FANK1: variants seen among roughly 807,000 people sequenced by gnomAD.
FANK1 encodes the protein fibronectin type III and ankyrin repeat domains 1, also known as fibronectin type 3 and ankyrin repeat domains protein 1.
FANK1 carries 44 observed loss-of-function variants against 45.3 expected under a neutral mutation model. That is an observed-to-expected ratio of 0.97 (90% CI 0.76 to 1.25). The LOEUF is 1.25. Ranked by LOEUF, FANK1 falls within the 50% of genes most tolerant of loss-of-function variation. FANK1 has a pLI of 0.00. For missense variants in FANK1, 391 were observed against 424.4 expected, an observed-to-expected ratio of 0.92 and a Z score of 0.69; for synonymous variants, 149 against 152.5, an observed-to-expected ratio of 0.98 and a Z score of 0.17.
At chr10:125,981,372 G>GTGGCTT (rs998116331) in intron 2 of FANK1, among the ~76,000 whole-genome samples, 3 of 151,950 alleles carry the variant, frequency 2.0e-5, no homozygotes, top group Admixed American at 2.0e-4. Flanking sequence ...GCCAGGTGTG[G>GTGGCTT]TGGCTTATGC....
intron 3 of FANK1, among the ~76,000 whole-genome samples, chr10:125,989,931 C>T (rs1489788971): frequency 6.6e-6 from 1 of 152,202 alleles, no homozygotes; most frequent in Non-Finnish European, 1.5e-5. Context: ...TACCTTTCTG[C>T]TCCCTCCCAT....
At chr10:125,941,318 C>G (rs988324219) in intron 1 of FANK1, among the ~76,000 whole-genome samples, 1 of 152,114 alleles carries the variant, frequency 6.6e-6, no homozygotes, top group Admixed American at 6.5e-5. Context: ...CAAATAAAAT[C>G]ACGGGAAGGC....
At chr10:125,936,419 C>T (rs983685828) in intron 1 of FANK1, among the ~76,000 whole-genome samples, 16 of 131,136 alleles carry the variant, frequency 1.2e-4, no homozygotes, top group South Asian at 2.5e-4. Flanking sequence ...CCCACTGGAG[C>T]GAGATGCTGT....
chr10:125,988,127 T>C (rs574890219), intron 2 of FANK1, among the ~76,000 whole-genome samples: 1 of 152,334 alleles, frequency 6.6e-6, no homozygotes, highest in Admixed American at 6.5e-5. Flanking sequence ...CCTGCAGTGG[T>C]ATTTTGCCTG....
chr10:125,954,970 C>T (rs946234883), intron 1 of FANK1, among the ~76,000 whole-genome samples: 1 of 151,908 alleles, frequency 6.6e-6, no homozygotes, highest in South Asian at 2.1e-4. Context: ...GGAGGATTTA[C>T]GTAACTAAAA....
chr10:125,994,781 A>G, intron 3 of FANK1: 1 of 985,214 alleles, frequency 1.0e-6, no homozygotes, highest in Non-Finnish European at 1.2e-6. Flanking sequence ...TGTCCCCTGT[A>G]CAAAGGATGC....
intron 2 of FANK1, among the ~76,000 whole-genome samples, chr10:125,984,707 A>C (rs151134297): frequency 6.6e-6 from 1 of 152,346 alleles, no homozygotes; most frequent in East Asian, 1.9e-4. Context: ...GAAGTCTGGT[A>C]ACTGAGTCTT....
chr10:125,957,978 T>A (rs1405454170), intron 1 of FANK1, among the ~76,000 whole-genome samples: 3 of 152,198 alleles, frequency 2.0e-5, no homozygotes, highest in Non-Finnish European at 4.4e-5. Context: ...TATATAGTGA[T>A]GTTTTGGTGC....
chr10:125,994,550 G>A, intron 3 of FANK1: 2 of 985,422 alleles, frequency 2.0e-6, no homozygotes, highest in Non-Finnish European at 2.4e-6. Context: ...CCAACAACAG[G>A]TTGTGTGCTG....
intron 1 of FANK1, among the ~76,000 whole-genome samples, chr10:125,921,268 C>G (rs1946926477): frequency 1.3e-5 from 2 of 152,330 alleles, no homozygotes; most frequent in South Asian, 4.1e-4. Flanking sequence ...GTTCCTCTAG[C>G]ATTGCTTTTT....
chr10:125,987,250 G>A (rs1951622830), intron 2 of FANK1, among the ~76,000 whole-genome samples: 1 of 152,058 alleles, frequency 6.6e-6, no homozygotes, highest in Non-Finnish European at 1.5e-5. Context: ...CAAATAATGG[G>A]CACTAGATAC....
Position 125,957,144 on chromosome 10 carries a change from C to T in FANK1, c.14-23017C>T, listed in dbSNP as rs575824118. ...TGCTGGGATTACAGGCGTGAGCCAC[C>T]GCACCTGGCTTACTGTAGACATCTT... On this transcript the variant is annotated intron_variant, in intron 1 of 10. Coordinates refer to ENST00000368693, the MANE Select transcript of FANK1 (RefSeq NM_145235.5). 2.4e-4 allele frequency among the ~76,000 whole-genome samples: 37 copies of T among 152,244 alleles called. No homozygotes were observed. The South Asian group carries it at 4.6e-3, about 19-fold the overall frequency.
intron 3 of FANK1, 23 bp downstream of exon 3, chr10:125,988,698 C>T (rs746810638): frequency 1.2e-6 from 2 of 1,614,180 alleles, no homozygotes; most frequent in South Asian, 1.1e-5. Flanking sequence ...ACCGTCCACA[C>T]TCACCTCTCT....
At chr10:125,947,269 A>G (rs1367957370) in intron 1 of FANK1, among the ~76,000 whole-genome samples, 2 of 150,310 alleles carry the variant, frequency 1.3e-5, no homozygotes, top group Admixed American at 1.3e-4. Context: ...AACAATATTA[A>G]CTTTAAATGT....
chr10:125,982,380 C>A (rs546958680), intron 2 of FANK1, among the ~76,000 whole-genome samples: 6 of 152,330 alleles, frequency 3.9e-5, no homozygotes, highest in African/African-American at 1.4e-4. Context: ...GGCTGGAGAA[C>A]GCACTCTCAC....
At chr10:125,922,689 A>T (rs914540344) in intron 1 of FANK1, among the ~76,000 whole-genome samples, 1 of 151,920 alleles carries the variant, frequency 6.6e-6, no homozygotes, top group African/African-American at 2.4e-5. Flanking sequence ...TAATTTTTGT[A>T]TTTTTTATAA....
At chr10:125,948,287 A>G (rs1948952643) in intron 1 of FANK1, among the ~76,000 whole-genome samples, 1 of 152,126 alleles carries the variant, frequency 6.6e-6, no homozygotes, top group African/African-American at 2.4e-5. Flanking sequence ...AAGGAAATAG[A>G]GACACAAAAA....
At chr10:125,987,363 T>C (rs937764164) in intron 2 of FANK1, among the ~76,000 whole-genome samples, 1 of 152,034 alleles carries the variant, frequency 6.6e-6, no homozygotes, top group Non-Finnish European at 1.5e-5. Context: ...TTCTGGTATC[T>C]TTGGAGGATC....
intron 6 of FANK1, among the ~76,000 whole-genome samples, chr10:126,002,721 C>T (rs904243223): frequency 1.3e-5 from 2 of 151,174 alleles, no homozygotes; most frequent in East Asian, 1.9e-4. Context: ...GTATACCCCC[C>T]ACCTAGGCTT....
Sources: allele counts gnomAD v4.1 joint callset (sites outside exome capture counted in the v4.1 genomes callset), GRCh38; gene constraint gnomAD v4.1.1; transcripts MANE v1.5; gene names NCBI Gene and HGNC (gene_info 2026-07-23, HGNC 2026-07-21).